ASB2: variants seen among roughly 807,000 people sequenced by gnomAD.
ASB2 encodes ankyrin repeat and SOCS box protein 2.
ASB2 carries 58 observed loss-of-function variants against 62.4 expected under a neutral mutation model. The ratio of observed to expected loss-of-function variants is 0.93; its 90% CI spans 0.75 to 1.16. The LOEUF (loss-of-function observed/expected upper bound fraction) is 1.16. Among genes scored for constraint, ASB2 ranks in the 50% most tolerant of loss-of-function variants. The pLI is 0.00. For synonymous variants in ASB2, 386 were observed against 385.3 expected (o/e 1.00, Z -0.02); for missense variants, 928 against 887.9 (o/e 1.05, Z -0.57).
At chr14:93,938,704 C>G (rs1424039773) in intron 8 of ASB2, among the ~76,000 whole-genome samples, 1 of 149,294 alleles carries the variant, frequency 6.7e-6, no homozygotes, top group Non-Finnish European at 1.5e-5. Context: ...TGACGAGCCT[C>G]TTAGTTTGGC....
chr14:93,946,876 C>G (rs1888744085), intron 7 of ASB2, among the ~76,000 whole-genome samples: 1 of 152,160 alleles, frequency 6.6e-6, no homozygotes, highest in Non-Finnish European at 1.5e-5. Context: ...CATTCCTGTA[C>G]TCCCGGAAAT....
At chr14:93,960,805 A>G (rs907306032) in intron 2 of ASB2, among the ~76,000 whole-genome samples, 4 of 152,204 alleles carry the variant, frequency 2.6e-5, no homozygotes, top group African/African-American at 9.7e-5. Flanking sequence ...TAAGATCCAG[A>G]AGACTCAGTG....
At chr14:93,954,553 G>C in intron 3 of ASB2, 70 bp from the exon 4 acceptor site, 1 of 1,451,378 alleles carries the variant, frequency 6.9e-7, no homozygotes, top group Non-Finnish European at 9.6e-7. Context: ...TCTCTCTCAG[G>C]AGTGCTGGCA....
intron 1 of ASB2, among the ~76,000 whole-genome samples, chr14:93,967,559 G>C (rs894487474): frequency 6.6e-6 from 1 of 152,198 alleles, no homozygotes; most frequent in African/African-American, 2.4e-5. Context: ...CCCTGCTAAG[G>C]CCAAAGTGCT....
chr14:93,957,816 A>G (rs1236904528), intron 2 of ASB2, among the ~76,000 whole-genome samples: 1 of 152,140 alleles, frequency 6.6e-6, no homozygotes, highest in Non-Finnish European at 1.5e-5. Flanking sequence ...TTGTCGTGAG[A>G]ACAGGGTATA....
At chr14:93,935,489 G>A (rs903396395) in intron 9 of ASB2, among the ~76,000 whole-genome samples, 4 of 152,188 alleles carry the variant, frequency 2.6e-5, no homozygotes, top group African/African-American at 7.2e-5. Context: ...ACCTAGCTCT[G>A]TGCTTGGGCC....
chr14:93,946,967 G>A (rs753682956), intron 7 of ASB2, among the ~76,000 whole-genome samples: 1 of 152,134 alleles, frequency 6.6e-6, no homozygotes, highest in Non-Finnish European at 1.5e-5. Context: ...AGTACCTGCC[G>A]CCTATGAGCT....
At chr14:93,950,703 G>A (rs1033216923) in intron 6 of ASB2, among the ~76,000 whole-genome samples, 14 of 152,132 alleles carry the variant, frequency 9.2e-5, no homozygotes, top group African/African-American at 7.2e-5. Flanking sequence ...CAGACTCCTC[G>A]TTTGTAAAAT....
intron 6 of ASB2, among the ~76,000 whole-genome samples, chr14:93,950,064 A>G (rs1248139977): frequency 1.3e-5 from 2 of 152,224 alleles, no homozygotes; most frequent in Non-Finnish European, 2.9e-5. Context: ...GACTGTGACC[A>G]ATTAGTTAAC....
intron 2 of ASB2, among the ~76,000 whole-genome samples, chr14:93,962,568 G>A (rs982987774): frequency 1.3e-5 from 2 of 152,182 alleles, no homozygotes; most frequent in Non-Finnish European, 2.9e-5. Context: ...AATTCTCTAG[G>A]AGAGCTTTTT....
chr14:93,937,910 G>T, intron 8 of ASB2, 59 bp from the exon 9 acceptor site: 4 of 1,520,954 alleles, frequency 2.6e-6, no homozygotes, highest in Non-Finnish European at 3.6e-6. Flanking sequence ...AGAGCCTGCG[G>T]CCAGGGACGG....
chr14:93,948,663 T>G (rs956339736), intron 6 of ASB2, among the ~76,000 whole-genome samples: 3 of 151,306 alleles, frequency 2.0e-5, no homozygotes, highest in African/African-American at 7.4e-5. Context: ...CCAGGTGCAA[T>G]GGCTCACACT....
At position 93,972,899 on chromosome 14, in the gene ASB2, T is replaced by C. The variant is rs78134223; in HGVS notation, c.-74+3535A>G. The stretch of plus-strand genomic sequence containing the variant: ...CTTTGCTCAGACCCACACCATCAGC[T>C]AAGGAAAGCACCCACAAAGGCCAAG... On this transcript the variant is annotated intron_variant, in intron 1 of 9. Transcript: ENST00000555019. Among the ~76,000 whole-genome samples, 124 of 152,314 alleles carry C rather than the reference T, an allele frequency of 8.1e-4. 1 individual carries two copies. The East Asian group carries it at 0.022, about 27-fold the overall frequency.
intron 6 of ASB2, among the ~76,000 whole-genome samples, chr14:93,949,093 T>C (rs188953712): frequency 4.6e-5 from 7 of 152,312 alleles, no homozygotes; most frequent in Non-Finnish European, 1.0e-4. Flanking sequence ...TGCACACAGC[T>C]TTCTCTGCAG....
intron 7 of ASB2, among the ~76,000 whole-genome samples, chr14:93,946,623 C>T (rs1051880603): frequency 2.6e-5 from 4 of 152,228 alleles, no homozygotes; most frequent in East Asian, 1.9e-4. Flanking sequence ...AGCCCCGGCT[C>T]GTCTGTCTCC....
intron 3 of ASB2, among the ~76,000 whole-genome samples, chr14:93,954,761 C>T (rs1276184339): frequency 4.6e-5 from 7 of 152,232 alleles, no homozygotes; most frequent in African/African-American, 1.4e-4. Flanking sequence ...GCTAACCACC[C>T]ACATGTGAGG....
At chr14:93,957,151 C>A (rs995818866) in intron 2 of ASB2, 3 of 1,353,110 alleles carry the variant, frequency 2.2e-6, no homozygotes, top group African/African-American at 3.0e-5. Flanking sequence ...GTCCCCCTCC[C>A]CAGCCAACCA....
chr14:93,948,229 C>T (rs149106832), intron 6 of ASB2: 1 of 154,474 alleles, frequency 6.5e-6, no homozygotes, highest in African/African-American at 2.4e-5. Context: ...AACACCTAGA[C>T]CACTTGCCTC....
At chr14:93,968,163 T>C (rs1889649210) in intron 1 of ASB2, 1 of 152,158 alleles carries the variant, frequency 6.6e-6, no homozygotes, top group African/African-American at 2.4e-5. Context: ...AGCCAGGTAA[T>C]GGTCACCCAG....
Sources: allele counts gnomAD v4.1 joint callset (sites outside exome capture counted in the v4.1 genomes callset), GRCh38; gene constraint gnomAD v4.1.1; transcripts MANE v1.5; gene names NCBI Gene and HGNC (gene_info 2026-07-23, HGNC 2026-07-21).